The following LHFPL6 variants were observed in gnomAD, a reference collection of about 807,000 sequenced individuals.
LHFPL6 encodes LHFPL tetraspan subfamily member 6.
LHFPL6 carries 9 observed loss-of-function variants against 20.6 expected under a neutral mutation model. The observed-to-expected ratio is 0.44, with a 90% confidence interval of 0.26 to 0.76. The LOEUF (loss-of-function observed/expected upper bound fraction) is 0.76, where lower values mean the gene tolerates loss of function less well. Among genes scored for constraint, LHFPL6 ranks in the 30% least tolerant of loss-of-function variants. LHFPL6 has a pLI of 0.20. For missense variants in LHFPL6, 218 were observed against 253.5 expected (o/e 0.86, Z 0.95); for synonymous variants, 105 against 98.7 (o/e 1.06, Z -0.38).
At chr13:39,364,740 G>T (rs1869967795) in intron 3 of LHFPL6, among the ~76,000 whole-genome samples, 1 of 151,992 alleles carries the variant, frequency 6.6e-6, no homozygotes, top group South Asian at 2.1e-4. Flanking sequence ...GTGCCATGGT[G>T]GTTTGCTGCA....
At chr13:39,412,286 T>C (rs1467357962) in intron 2 of LHFPL6, among the ~76,000 whole-genome samples, 2 of 152,180 alleles carry the variant, frequency 1.3e-5, no homozygotes, top group East Asian at 1.9e-4. Flanking sequence ...TGCACTTTAT[T>C]TGAAGAACAT....
chr13:39,556,845 C>T (rs1871318223), intron 2 of LHFPL6, among the ~76,000 whole-genome samples: 1 of 149,384 alleles, frequency 6.7e-6, no homozygotes, highest in Admixed American at 6.6e-5. Context: ...CCCTGTAGTC[C>T]CAGCTACTCA....
At chr13:39,541,725 GTATT>G (rs535330587) in intron 2 of LHFPL6, among the ~76,000 whole-genome samples, 145 of 152,228 alleles carry the variant, frequency 9.5e-4, no homozygotes, top group African/African-American at 3.0e-3. Context: ...AGGGATCACC[GTATT>G]TATTTTTGTG....
chr13:39,514,900 G>A (rs556546917), intron 2 of LHFPL6, among the ~76,000 whole-genome samples: 5 of 152,304 alleles, frequency 3.3e-5, no homozygotes, highest in African/African-American at 1.2e-4. Context: ...TATCCCCCAC[G>A]TAATGCCACA....
At chr13:39,529,844 G>A (rs75050013) in intron 2 of LHFPL6, among the ~76,000 whole-genome samples, 4,180 of 152,212 alleles carry the variant, frequency 0.027, 139 homozygotes, top group East Asian at 0.11. Flanking sequence ...GGAAACACAC[G>A]GATAAAGTAA....
intron 2 of LHFPL6, among the ~76,000 whole-genome samples, chr13:39,571,361 T>C (rs1423883757): frequency 6.6e-6 from 1 of 152,214 alleles, no homozygotes; most frequent in African/African-American, 2.4e-5. Context: ...ATTGGTCTTC[T>C]ACACCGTCAT....
At chr13:39,490,348 G>A (rs1414121588) in intron 2 of LHFPL6, among the ~76,000 whole-genome samples, 2 of 152,198 alleles carry the variant, frequency 1.3e-5, no homozygotes, top group Non-Finnish European at 2.9e-5. Context: ...AAGCCTGATA[G>A]GGGAACAAAG....
chr13:39,369,370 T>A (rs1314779036), intron 3 of LHFPL6, among the ~76,000 whole-genome samples: 1 of 151,952 alleles, frequency 6.6e-6, no homozygotes, highest in African/African-American at 2.4e-5. Context: ...TGTAGAGCAA[T>A]TTTTTTTCCA....
intron 2 of LHFPL6, among the ~76,000 whole-genome samples, chr13:39,463,518 G>A (rs1180147006): frequency 6.6e-6 from 1 of 152,072 alleles, no homozygotes; most frequent in Non-Finnish European, 1.5e-5. Context: ...TCCTATTAAT[G>A]TATATCTTGC....
At chr13:39,346,415 A>T (rs1341199560) in intron 3 of LHFPL6, among the ~76,000 whole-genome samples, 1 of 152,224 alleles carries the variant, frequency 6.6e-6, no homozygotes, top group African/African-American at 2.4e-5. Flanking sequence ...CAAAATTGTC[A>T]TGGAGCTTTA....
chr13:39,442,137 C>T (rs548700443), intron 2 of LHFPL6, among the ~76,000 whole-genome samples: 1 of 152,124 alleles, frequency 6.6e-6, no homozygotes, highest in African/African-American at 2.4e-5. Flanking sequence ...CTGGCTAAAA[C>T]TTCTTTAGGT....
intron 2 of LHFPL6, among the ~76,000 whole-genome samples, chr13:39,594,522 C>A (rs1450864499): frequency 1.3e-5 from 2 of 152,186 alleles, no homozygotes; most frequent in Non-Finnish European, 2.9e-5. Context: ...GTTGGTGGGA[C>A]TGTAAACTAG....
intron 2 of LHFPL6, among the ~76,000 whole-genome samples, chr13:39,513,219 G>T (rs1349056852): frequency 6.6e-6 from 1 of 152,200 alleles, no homozygotes; most frequent in Non-Finnish European, 1.5e-5. Flanking sequence ...TGTTTTAGTT[G>T]TTCTTTTAAA....
chr13:39,459,086 T>A (rs1027959271), intron 2 of LHFPL6, among the ~76,000 whole-genome samples: 1 of 152,140 alleles, frequency 6.6e-6, no homozygotes, highest in Non-Finnish European at 1.5e-5. Flanking sequence ...AAAATGCCCA[T>A]GAAATGACTT....
intron 2 of LHFPL6, among the ~76,000 whole-genome samples, chr13:39,583,285 C>G (rs368840145): frequency 1.9e-3 from 289 of 151,772 alleles, no homozygotes; most frequent in Middle Eastern, 3.4e-3. Context: ...TGATCCTCCC[C>G]CCTCAGCCCC....
At chr13:39,517,257 A>G (rs1156282893) in intron 2 of LHFPL6, among the ~76,000 whole-genome samples, 1 of 152,230 alleles carries the variant, frequency 6.6e-6, no homozygotes, top group Non-Finnish European at 1.5e-5. Flanking sequence ...ATAATGAAGT[A>G]CAAAGAGGAT....
intron 2 of LHFPL6, among the ~76,000 whole-genome samples, chr13:39,404,284 A>C (rs747379473): frequency 5.9e-5 from 9 of 152,208 alleles, no homozygotes; most frequent in Non-Finnish European, 8.8e-5. Flanking sequence ...AAACTAGTTT[A>C]GTCAGTAGTC....
rs9566433 is a variant in LHFPL6, at chr13:39,431,956, T to C, written c.386-53430A>G. Among the ~76,000 whole-genome samples the C allele has an allele frequency of 0.013, 1,926 of 152,176 alleles. 87 individuals carry two copies. In the East Asian group the frequency reaches 0.15, roughly 12 times the overall value. ...TTCAGGTGTTGAAACTGAATCTCCATTGTGGTGGTATTAAGACGTGGGGCC... is the reference window on the plus strand; with the variant it reads ...TTCAGGTGTTGAAACTGAATCTCCACTGTGGTGGTATTAAGACGTGGGGCC... On this transcript the variant is annotated intron_variant, in intron 2 of 3. Transcript: ENST00000379589.
At chr13:39,569,156 CGGATGGAT>C (rs59443260) in intron 2 of LHFPL6, among the ~76,000 whole-genome samples, 12,480 of 97,276 alleles carry the variant, frequency 0.13, 794 homozygotes, top group Admixed American at 0.24. Flanking sequence ...GATGGACGGA[CGGATGGAT>C]GGATGGATGG....
Sources: allele counts gnomAD v4.1 joint callset (sites outside exome capture counted in the v4.1 genomes callset), GRCh38; gene constraint gnomAD v4.1.1; transcripts MANE v1.5; gene names NCBI Gene and HGNC (gene_info 2026-07-23, HGNC 2026-07-21).